ATP5PB: variants seen among roughly 807,000 people sequenced by gnomAD.
The protein encoded by ATP5PB is ATP synthase peripheral stalk-membrane subunit b.
ATP5PB carries 21 observed loss-of-function variants against 34.5 expected under a neutral mutation model. That is an observed-to-expected ratio of 0.61 (90% CI 0.43 to 0.88). The LOEUF is 0.88. ATP5PB is among the 40% of genes least tolerant of loss of function. The pLI is 0.00. For synonymous variants in ATP5PB, 108 were observed against 114.1 expected (o/e 0.95, Z 0.34); for missense variants, 293 against 317.4 (o/e 0.92, Z 0.58).
In ATP5PB at chr1:111,452,547, G is replaced by A. The variant is rs138353243; in HGVS notation, c.78-1664G>A. Among the ~76,000 whole-genome samples the A allele has an allele frequency of 1.7e-3, 265 of 152,304 alleles. 2 individuals are homozygous for A. The highest frequency in any genetic ancestry group is 6.8e-3 in the Middle Eastern group (2 of 294). On this transcript the variant is annotated intron_variant, in intron 2 of 6. Transcript: ENST00000369722. ...GATCATGCCACTGTGCTCCCGCCTG[G>A]GTGATAGGGCAAGATTCTGTCTCAA...
At chr1:111,456,834 T>C in intron 5 of ATP5PB, 79 bp downstream of exon 5, 1 of 1,454,778 alleles carries the variant, frequency 6.9e-7, no homozygotes, top group Non-Finnish European at 9.1e-7. Context: ...TTATGAAGAA[T>C]GGTTAAATAG....
intron 2 of ATP5PB, among the ~76,000 whole-genome samples, chr1:111,452,119 C>CAA (rs112587127): frequency 1.8e-5 from 2 of 109,660 alleles, no homozygotes; most frequent in Non-Finnish European, 2.1e-5. Context: ...GACTTTGTCT[C>CAA]AAAAAAAAAA....
At chr1:111,454,852 CTGTT>C (rs1653428234) in intron 3 of ATP5PB, among the ~76,000 whole-genome samples, 1 of 152,204 alleles carries the variant, frequency 6.6e-6, no homozygotes, top group African/African-American at 2.4e-5. Flanking sequence ...AGCATTATCT[CTGTT>C]TGTTAGTAGA....
chr1:111,456,623 A>G lies in ATP5PB; in HGVS notation c.388-7A>G. On this transcript the variant is annotated splice_polypyrimidine_tract_variant and splice_region_variant and intron_variant, in intron 4 of 6. Coordinates refer to ENST00000369722, the MANE Select transcript of ATP5PB (RefSeq NM_001688.5). Reference sequence around the variant, plus strand: ...ACTGATCTTTGTTGTTGCTATCACAATTGTAGCAAAAACTTGCCCAACTAG... The same window carrying G: ...ACTGATCTTTGTTGTTGCTATCACAGTTGTAGCAAAAACTTGCCCAACTAG... 3.7e-6 allele frequency: 6 copies of G among 1,610,820 alleles called. No homozygotes were observed. Among genetic ancestry groups the G allele is most frequent in the Middle Eastern group, 1.8e-4 (1 of 5,526 alleles).
At chr1:111,449,730 A>G in intron 1 of ATP5PB, 107 bp from the exon 2 acceptor site, 1 of 1,579,516 alleles carries the variant, frequency 6.3e-7, no homozygotes, top group Non-Finnish European at 8.7e-7. Flanking sequence ...GTCTTGAGGG[A>G]CGGGAAAGAG....
Position 111,454,224 on chromosome 1 carries a change from A to G in ATP5PB, c.91A>G (p.Thr31Ala), listed in dbSNP as rs1653407211. Reference sequence around the variant, plus strand: ...TACTACCTGTAGGGTATTGCAGGCAACAAGGACCTTTCATACAGGGCAGCC... The same window carrying G: ...TACTACCTGTAGGGTATTGCAGGCAGCAAGGACCTTTCATACAGGGCAGCC... ...AFLGPGVLQA[T>A]RTFHTGQPHL... The change falls in exon 3 of 7, where the codon ACA becomes GCA. Residue 31 changes from threonine (T) to alanine (A), a missense_variant. By Grantham distance (58) the Thr-to-Ala change is moderately conservative. Coordinates refer to ENST00000369722, the MANE Select transcript of ATP5PB (RefSeq NM_001688.5). 2 of 1,595,328 alleles carry G rather than the reference A, an allele frequency of 1.3e-6. No individual in the cohort carries two copies. Among genetic ancestry groups the G allele is most frequent in the South Asian group, 1.1e-5 (1 of 87,314 alleles).
intron 2 of ATP5PB, among the ~76,000 whole-genome samples, chr1:111,453,196 G>A (rs1653381424): frequency 1.3e-5 from 2 of 152,112 alleles, no homozygotes; most frequent in South Asian, 4.1e-4. Context: ...TTCATCAGAA[G>A]CTTAAGGAGA....
At chr1:111,453,335 G>C (rs554341122) in intron 2 of ATP5PB, among the ~76,000 whole-genome samples, 2 of 150,640 alleles carry the variant, frequency 1.3e-5, no homozygotes, top group African/African-American at 4.9e-5. Flanking sequence ...TTCTCAATAA[G>C]TATTTGTAGG....
At chr1:111,457,166 G>A (rs1245718406) in intron 5 of ATP5PB, among the ~76,000 whole-genome samples, 2 of 152,144 alleles carry the variant, frequency 1.3e-5, no homozygotes, top group Non-Finnish European at 2.9e-5. Flanking sequence ...CCACAAAGCA[G>A]GCAGGGCACA....
Position 111,449,877 on chromosome 1 carries a change from A to G in ATP5PB, c.77+4A>G. On this transcript the variant is annotated splice_donor_region_variant and intron_variant, in intron 2 of 6. Coordinates refer to ENST00000369722, the MANE Select transcript of ATP5PB (RefSeq NM_001688.5). Reference sequence around the variant, plus strand: ...ATGCAGCCTTCCTAGGTCCAGGGTAAGTGTGAGGATAATGCTCCCTTTCGT... The same window carrying G: ...ATGCAGCCTTCCTAGGTCCAGGGTAGGTGTGAGGATAATGCTCCCTTTCGT... 6.2e-7 allele frequency: 1 copy of G among 1,614,140 alleles called. No homozygotes were observed. Among genetic ancestry groups the G allele is most frequent in the Non-Finnish European group, 8.5e-7 (1 of 1,180,008 alleles).
rs565196606 is a variant in ATP5PB at position 111,459,618 on chromosome 1, A to G, written c.675A>G (p.Gln225=). 5.6e-6 allele frequency: 9 copies of G among 1,613,904 alleles called. No individual in the cohort carries two copies. The highest frequency in any genetic ancestry group is 2.2e-5 in the East Asian group (1 of 44,882). Residue 225 remains glutamine (Q), a synonymous_variant, in exon 6 of 7, where the codon CAA becomes CAG. Transcript: ENST00000369722. ...ATTGGGTGGAGAAGCACGTGGTGCA[A>G]AGCATCTCCACACAGCAGGTACACA... ...MINWVEKHVV[Q]SISTQQEKET...
chr1:111,454,142 G>T, intron 2 of ATP5PB, 69 bp from the exon 3 acceptor site: 1 of 1,391,330 alleles, frequency 7.2e-7, no homozygotes. Context: ...TATTGTTTCT[G>T]CTCATTATTC....
At chr1:111,454,422 G>T in intron 3 of ATP5PB, 66 bp downstream of exon 3, 1 of 1,514,092 alleles carries the variant, frequency 6.6e-7, no homozygotes, top group Non-Finnish European at 8.8e-7. Context: ...AGTTAGGTGG[G>T]TTTTCTTCTT....
chr1:111,455,044 G>A (rs1341009922), intron 3 of ATP5PB, among the ~76,000 whole-genome samples: 1 of 152,190 alleles, frequency 6.6e-6, no homozygotes, highest in African/African-American at 2.4e-5. Flanking sequence ...ATGAAGCCAT[G>A]TAAGGCAAGA....
At chr1:111,458,298 G>A (rs1653527523) in intron 5 of ATP5PB, among the ~76,000 whole-genome samples, 1 of 152,222 alleles carries the variant, frequency 6.6e-6, no homozygotes, top group African/African-American at 2.4e-5. Flanking sequence ...TTGAGCCCAG[G>A]AATTTGAGAC....
At chr1:111,451,942 C>G (rs1226445280) in intron 2 of ATP5PB, among the ~76,000 whole-genome samples, 2 of 151,966 alleles carry the variant, frequency 1.3e-5, no homozygotes, top group Non-Finnish European at 2.9e-5. Flanking sequence ...AAAAACAAAA[C>G]AACAAAAATT....
In ATP5PB at chr1:111,456,092, A is replaced by G. The variant is rs1403245715; in HGVS notation, c.230A>G (p.Tyr77Cys). ...LYPKTGVTGP[Y>C]VLGTGLILYA... ...TAACTCTTTCTTCTTTTAGGACCCT[A>G]TGTACTCGGAACTGGGCTTATCTTG... is the stretch of plus-strand genomic sequence containing the variant. The change falls in exon 4 of 7, where the codon TAT becomes TGT. Residue 77 changes from tyrosine to cysteine, a missense_variant. Physicochemically the swap from Tyr to Cys is radical, Grantham distance 194. Transcript: ENST00000369722. The G allele has an allele frequency of 6.3e-6, 10 of 1,581,974 alleles. No homozygotes were observed. The highest frequency in any genetic ancestry group is 5.5e-5 in the Admixed American group (3 of 54,866).
At chr1:111,457,053 A>G (rs1242608890) in intron 5 of ATP5PB, among the ~76,000 whole-genome samples, 2 of 152,226 alleles carry the variant, frequency 1.3e-5, no homozygotes, top group East Asian at 3.8e-4. Context: ...GCACTGTGTA[A>G]GGAAGACTAG....
intron 5 of ATP5PB, 135 bp downstream of exon 5, chr1:111,456,890 G>T: frequency 9.3e-7 from 1 of 1,074,578 alleles, no homozygotes. Flanking sequence ...TGTAGGAGTT[G>T]GCATTCACGG....
Sources: gnomAD v4.1 joint callset for allele counts (sites outside exome capture counted in the v4.1 genomes callset) on GRCh38, gnomAD v4.1.1 for gene constraint, MANE v1.5 for transcripts, NCBI Gene and HGNC (gene_info 2026-07-23, HGNC 2026-07-21) for gene names.